CNTN3: variants seen among roughly 807,000 people sequenced by gnomAD.
CNTN3 encodes contactin 3.
In CNTN3, 60 loss-of-function variants were observed where a neutral mutation model predicts 119.1. That is an observed-to-expected ratio of 0.50 (90% CI 0.41 to 0.62). CNTN3 has a LOEUF of 0.62. Among genes scored for constraint, CNTN3 ranks in the 20% least tolerant of loss-of-function variants. The probability of loss-of-function intolerance (pLI) is 0.00; values close to 1 mark genes in which losing one functional copy is unlikely to be tolerated. For missense variants in CNTN3, 1,101 were observed against 1,242.4 expected (o/e 0.89, Z 1.71); for synonymous variants, 450 against 438.7 (o/e 1.03, Z -0.32).
intron 1 of CNTN3, among the ~76,000 whole-genome samples, chr3:74,582,215 G>A (rs1704520710): frequency 1.3e-5 from 2 of 152,064 alleles, no homozygotes; most frequent in South Asian, 4.1e-4. Context: ...GAACATCCTG[G>A]CTAACACAGT....
At chr3:74,285,806 TATATATATATATATATATATATA>T (rs2106783303) in intron 19 of CNTN3, among the ~76,000 whole-genome samples, 1 of 95,576 alleles carries the variant, frequency 1.0e-5, no homozygotes, top group Admixed American at 9.4e-5. Context: ...TATATATATA[TATATATATATATATATATATATA>T]TATATATATA....
At chr3:74,364,959 G>C (rs1348987113) in intron 9 of CNTN3, among the ~76,000 whole-genome samples, 3 of 152,098 alleles carry the variant, frequency 2.0e-5, no homozygotes, top group Non-Finnish European at 1.5e-5. Context: ...AGTTGGAAAT[G>C]TTTTCACTAT....
chr3:74,605,410 T>A (rs893049764), intron 1 of CNTN3, among the ~76,000 whole-genome samples: 1 of 152,126 alleles, frequency 6.6e-6, no homozygotes, highest in Non-Finnish European at 1.5e-5. Context: ...TATATAATTT[T>A]CCAAATTAAA....
chr3:74,563,833 G>A (rs17012618), intron 1 of CNTN3, among the ~76,000 whole-genome samples: 2,614 of 152,152 alleles, frequency 0.017, 64 homozygotes, highest in African/African-American at 0.058. Flanking sequence ...CACAGAGCCC[G>A]TTCTCATTGT....
chr3:74,335,171 C>T (rs917163407), intron 12 of CNTN3, among the ~76,000 whole-genome samples: 7 of 151,990 alleles, frequency 4.6e-5, no homozygotes, highest in African/African-American at 7.3e-5. Flanking sequence ...AAATTAAAGT[C>T]GTGTAAACAA....
At chr3:74,389,918 T>A (rs1021506159) in intron 5 of CNTN3, among the ~76,000 whole-genome samples, 10 of 152,178 alleles carry the variant, frequency 6.6e-5, no homozygotes, top group Admixed American at 2.6e-4. Flanking sequence ...TTACTCTCTC[T>A]GAAATAAATA....
intron 11 of CNTN3, among the ~76,000 whole-genome samples, chr3:74,339,086 A>C (rs561706398): frequency 6.6e-6 from 1 of 152,128 alleles, no homozygotes; most frequent in Admixed American, 6.5e-5. Flanking sequence ...TAAAGAAGAA[A>C]CCCTGCAGAG....
intron 1 of CNTN3, among the ~76,000 whole-genome samples, chr3:74,598,677 T>G (rs935938266): frequency 6.6e-6 from 1 of 151,936 alleles, no homozygotes; most frequent in African/African-American, 2.4e-5. Flanking sequence ...TATAAAAAAA[T>G]CAATGAAAAA....
chr3:74,520,319 A>T (rs1175272529), intron 2 of CNTN3, among the ~76,000 whole-genome samples: 1 of 151,554 alleles, frequency 6.6e-6, no homozygotes, highest in Non-Finnish European at 1.5e-5. Flanking sequence ...ACATCTCAAT[A>T]ATACCTACAG....
chr3:74,341,141 A>C (rs552528708), intron 11 of CNTN3, among the ~76,000 whole-genome samples: 286 of 152,300 alleles, frequency 1.9e-3, no homozygotes, highest in Non-Finnish European at 3.1e-3. Context: ...AATTTGAACT[A>C]CTTGGATATT....
chr3:74,541,741 T>C (rs1703845622), intron 1 of CNTN3, among the ~76,000 whole-genome samples: 1 of 152,230 alleles, frequency 6.6e-6, no homozygotes, highest in African/African-American at 2.4e-5. Context: ...CATTATAAGT[T>C]ACATACATGT....
intron 8 of CNTN3, among the ~76,000 whole-genome samples, chr3:74,366,508 T>C (rs1704190641): frequency 6.6e-6 from 1 of 151,900 alleles, no homozygotes; most frequent in South Asian, 2.1e-4. Flanking sequence ...AATCCAAAAC[T>C]GGGAGGTGAG....
intron 1 of CNTN3, among the ~76,000 whole-genome samples, chr3:74,597,741 T>C (rs1374870): frequency 0.23 from 35,319 of 151,932 alleles, 6,673 homozygotes; most frequent in African/African-American, 0.51. Flanking sequence ...ACTTCTAATT[T>C]ACTCATCAAG....
chr3:74,609,689 C>A (rs115082501), intron 1 of CNTN3, among the ~76,000 whole-genome samples: 1,848 of 152,264 alleles, frequency 0.012, 38 homozygotes, highest in African/African-American at 0.043. Flanking sequence ...GAATACGGAC[C>A]TTCTTGACAG....
At chr3:74,425,581 T>A (rs936429613) in intron 4 of CNTN3, among the ~76,000 whole-genome samples, 1 of 151,998 alleles carries the variant, frequency 6.6e-6, no homozygotes, top group Non-Finnish European at 1.5e-5. Flanking sequence ...GACAATATAA[T>A]TCAAAAAAGG....
chr3:74,586,953 C>T (rs1704603257), intron 1 of CNTN3, among the ~76,000 whole-genome samples: 1 of 151,994 alleles, frequency 6.6e-6, no homozygotes, highest in South Asian at 2.1e-4. Flanking sequence ...CTTGACTTGA[C>T]TATGGTGAAC....
chr3:74,266,123 T>C (rs1701655980), intron 22 of CNTN3, among the ~76,000 whole-genome samples: 1 of 152,086 alleles, frequency 6.6e-6, no homozygotes, highest in Non-Finnish European at 1.5e-5. Context: ...CTATAATTTG[T>C]AGGAGGCAAA....
chr3:74,519,930 A>G (rs559213988), intron 2 of CNTN3, among the ~76,000 whole-genome samples: 4 of 151,784 alleles, frequency 2.6e-5, no homozygotes, highest in African/African-American at 9.6e-5. Flanking sequence ...GATTTTTGCT[A>G]TATATTATCA....
chr3:74,350,571 TATCTACCCAA>T (rs1465276443), intron 11 of CNTN3, among the ~76,000 whole-genome samples: 2 of 152,164 alleles, frequency 1.3e-5, no homozygotes, highest in Admixed American at 6.5e-5. Context: ...CACTACTGGG[TATCTACCCAA>T]TGGAAAATAA....
Sources: gnomAD v4.1 joint callset for allele counts (sites outside exome capture counted in the v4.1 genomes callset) on GRCh38, gnomAD v4.1.1 for gene constraint, MANE v1.5 for transcripts, NCBI Gene and HGNC (gene_info 2026-07-23, HGNC 2026-07-21) for gene names.